The following RASSF2 variants were observed in gnomAD, a reference collection of about 807,000 sequenced individuals.
RASSF2 encodes the protein ras association domain-containing protein 2.
Under a neutral mutation model 46.3 loss-of-function variants are expected in RASSF2, and 34 were observed. The ratio of observed to expected loss-of-function variants is 0.73; its 90% CI spans 0.56 to 0.98. The LOEUF is 0.98. Among genes scored for constraint, RASSF2 ranks in the 50% least tolerant of loss-of-function variants. The pLI is 0.00. For missense variants in RASSF2, 364 were observed against 431.2 expected (o/e 0.84, Z 1.38); for synonymous variants, 158 against 162.5 (o/e 0.97, Z 0.21).
At position 4,781,137 on chromosome 20, in the gene RASSF2, G is replaced by C. The variant is rs1275151216; in HGVS notation, c.*3136C>G. On this transcript the variant is annotated 3_prime_UTR_variant, in exon 12 of 12. Transcript: ENST00000379400. Reference sequence around the variant, plus strand: ...TCTTAAGAGAGCTTCTTGCTCTTCTGTGGCCAATTTCTTCACTCTCCTGAC... The same window carrying C: ...TCTTAAGAGAGCTTCTTGCTCTTCTCTGGCCAATTTCTTCACTCTCCTGAC... 6.6e-6 allele frequency: 1 copy of C among 152,016 alleles called. No individual in the cohort carries two copies. Among genetic ancestry groups the C allele is most frequent in the Non-Finnish European group, 1.5e-5 (1 of 68,026 alleles). 9.4% of individuals were successfully genotyped at this position (152,016 alleles called of 1,614,324 possible).
chr20:4,797,223 A>C (rs752702537), intron 4 of RASSF2, among the ~76,000 whole-genome samples: 1 of 152,164 alleles, frequency 6.6e-6, no homozygotes, highest in Non-Finnish European at 1.5e-5. Flanking sequence ...GTCTAAGTGG[A>C]GTGGTTTGAG....
chr20:4,796,819 C>A (rs1041026316), intron 4 of RASSF2, among the ~76,000 whole-genome samples: 2 of 152,106 alleles, frequency 1.3e-5, no homozygotes, highest in Non-Finnish European at 2.9e-5. Context: ...CTTGCATGGC[C>A]CAGCTGCTGA....
At chr20:4,815,624 C>T (rs1928243038) in intron 2 of RASSF2, among the ~76,000 whole-genome samples, 1 of 152,232 alleles carries the variant, frequency 6.6e-6, no homozygotes, top group Non-Finnish European at 1.5e-5. Context: ...TCCACTTCTA[C>T]CTGGTTTGAA....
rs1160567412 is a variant in RASSF2 at position 4,792,574 on chromosome 20, GCATCCAC to G, written c.334_340del (p.Val112ProfsTer17). ...TGGCATCTGGTCACCCTCCGGCGGGGCATCCACCTCTGAGATCTGAACTTTGGGCACA... is the reference window on the plus strand; with the variant it reads ...TGGCATCTGGTCACCCTCCGGCGGGGCTCTGAGATCTGAACTTTGGGCACA... On this transcript the variant is annotated frameshift_variant, in exon 6 of 12. Transcript: ENST00000379400. LOFTEE classifies it high-confidence loss of function. 7 of 1,613,970 alleles carry G rather than the reference GCATCCAC, an allele frequency of 4.3e-6. No homozygotes were observed. Among genetic ancestry groups the G allele is most frequent in the Admixed American group, 1.7e-5 (1 of 60,006 alleles).
chr20:4,820,970 T>C (rs1928650682), intron 2 of RASSF2, among the ~76,000 whole-genome samples: 1 of 152,170 alleles, frequency 6.6e-6, no homozygotes. Flanking sequence ...TGTGCTTTGA[T>C]GACAGGTCTC....
At chr20:4,797,680 T>C (rs1926463670) in intron 4 of RASSF2, among the ~76,000 whole-genome samples, 1 of 152,150 alleles carries the variant, frequency 6.6e-6, no homozygotes, top group Non-Finnish European at 1.5e-5. Flanking sequence ...GGTTCCCGAA[T>C]TGCCCAACGA....
rs1486818585 is a variant in RASSF2, at chr20:4,784,251, CA to C, written c.*21del. ...GGGCAATGGCGGTTCCTGGGGTGCC[CA>C]GATCCCCTCGTTCTCATGGCTCAGA... On this transcript the variant is annotated 3_prime_UTR_variant, in exon 12 of 12. Transcript: ENST00000379400. 4 of 1,607,682 alleles carry C rather than the reference CA, an allele frequency of 2.5e-6. No individual in the cohort carries two copies. Among genetic ancestry groups the C allele is most frequent in the Non-Finnish European group, 3.4e-6 (4 of 1,174,328 alleles).
chr20:4,798,156 TCTCTCAC>T, intron 3 of RASSF2, 71 bp from the exon 4 acceptor site: 3 of 1,555,608 alleles, frequency 1.9e-6, no homozygotes, highest in Non-Finnish European at 2.6e-6. Context: ...GTTCCCTCTT[TCTCTCAC>T]CTCTCACCTG....
chr20:4,792,551 G>T lies in RASSF2; in HGVS notation c.364C>A (p.Pro122Thr), dbSNP rs1925980664. The T allele has an allele frequency of 6.2e-7, 1 of 1,613,980 alleles. No individual in the cohort carries two copies. The highest frequency in any genetic ancestry group is 8.5e-7 in the Non-Finnish European group (1 of 1,180,012). The change falls in exon 6 of 12, where the codon CCA becomes ACA. Residue 122 changes from proline to threonine, a missense_variant. Pro to Thr is a conservative substitution (Grantham distance 38). Coordinates refer to ENST00000379400, the MANE Select transcript of RASSF2 (RefSeq NM_014737.3). ...VDAPPEGDQM[P>T]SSTDSRGLKP... The stretch of plus-strand genomic sequence containing the variant: ...CACTCACATGTACCTGTGGAGCTTG[G>T]CATCTGGTCACCCTCCGGCGGGGCA...
chr20:4,802,901 T>TAC (rs1370860293), intron 2 of RASSF2, among the ~76,000 whole-genome samples: 121 of 76,280 alleles, frequency 1.6e-3, no homozygotes, highest in South Asian at 3.1e-3. Context: ...TATATACATA[T>TAC]ATATATATAT....
At chr20:4,797,403 G>T (rs1246183265) in intron 4 of RASSF2, among the ~76,000 whole-genome samples, 1 of 152,152 alleles carries the variant, frequency 6.6e-6, no homozygotes, top group Non-Finnish European at 1.5e-5. Context: ...TCAGTCACAG[G>T]CGCTTGAGTA....
Position 4,812,897 on chromosome 20 carries a change from C to T in RASSF2, c.-33+9432G>A, listed in dbSNP as rs1420635965. On this transcript the variant is annotated intron_variant, in intron 2 of 11. Coordinates refer to ENST00000379400, the MANE Select transcript of RASSF2 (RefSeq NM_014737.3). This position sits in a 1 kb window ranked among gnomAD's most constrained non-coding sequence, Gnocchi z 4.0. ...GCGAGTAGCAGGTGCAGGCTGGCTC[C>T]AGCTACCAGCCCACAGCAGGCTGGG... is the stretch of plus-strand genomic sequence containing the variant. 3.9e-5 allele frequency among the ~76,000 whole-genome samples: 6 copies of T among 152,156 alleles called. No homozygotes were observed. The highest frequency in any genetic ancestry group is 8.8e-5 in the Non-Finnish European group (6 of 68,012).
At chr20:4,797,877 G>T in intron 4 of RASSF2, 133 bp downstream of exon 4, 2 of 1,417,350 alleles carry the variant, frequency 1.4e-6, no homozygotes, top group South Asian at 2.9e-5. Flanking sequence ...GAACCCCAAG[G>T]ACTCTCACTA....
intron 2 of RASSF2, among the ~76,000 whole-genome samples, chr20:4,804,303 T>G (rs957871257): frequency 2.7e-5 from 4 of 150,626 alleles, no homozygotes; most frequent in African/African-American, 9.8e-5. Flanking sequence ...GGAGTACACA[T>G]GTAACGCGCA....
At position 4,790,335 on chromosome 20, in the gene RASSF2, G is replaced by T; in HGVS notation, c.537+116C>A. The T allele has an allele frequency of 8.3e-7, 1 of 1,205,524 alleles. No homozygotes were observed. Among genetic ancestry groups the T allele is most frequent in the Non-Finnish European group, 1.1e-6 (1 of 917,542 alleles). 74.7% of individuals were successfully genotyped at this position (1,205,524 alleles called of 1,614,324 possible). A position where few individuals can be genotyped will look rare whatever the true frequency, so the allele number is the denominator to read the frequency against. On this transcript the variant is annotated intron_variant, in intron 7 of 11. Transcript: ENST00000379400. The surrounding 1 kb of genome is among the most constrained non-coding windows in gnomAD (Gnocchi z 4.3). Reference sequence around the variant, plus strand: ...CCACCCACAACCCAAAGACTAAACAGCAGCAAACACTTGGCTTCCCAGGCA... The same window carrying T: ...CCACCCACAACCCAAAGACTAAACATCAGCAAACACTTGGCTTCCCAGGCA...
At chr20:4,798,139 T>A in intron 3 of RASSF2, 54 bp from the exon 4 acceptor site, 1 of 1,604,026 alleles carries the variant, frequency 6.2e-7, no homozygotes, top group Non-Finnish European at 8.5e-7. Flanking sequence ...CCACTTATAA[T>A]GCAGTTGTTC....
At chr20:4,815,672 T>C (rs1161360317) in intron 2 of RASSF2, among the ~76,000 whole-genome samples, 3 of 152,232 alleles carry the variant, frequency 2.0e-5, no homozygotes, top group Non-Finnish European at 4.4e-5. Flanking sequence ...CTCAAAGTCA[T>C]GGCGAATCGT....
At chr20:4,817,271 G>T (rs1050549269) in intron 2 of RASSF2, among the ~76,000 whole-genome samples, 1 of 152,052 alleles carries the variant, frequency 6.6e-6, no homozygotes, top group Non-Finnish European at 1.5e-5. Flanking sequence ...TATAAATAAT[G>T]CTGCGAGGGA....
intron 3 of RASSF2, among the ~76,000 whole-genome samples, chr20:4,800,386 G>A (rs1311467453): frequency 6.6e-6 from 1 of 152,130 alleles, no homozygotes; most frequent in Non-Finnish European, 1.5e-5. Flanking sequence ...TAGACTGGGT[G>A]GCTTCTAAAG....
Sources: gnomAD v4.1 joint callset for allele counts (sites outside exome capture counted in the v4.1 genomes callset) on GRCh38, gnomAD v4.1.1 for gene constraint, Gnocchi (gnomAD v3.1) non-coding constraint, MANE v1.5 for transcripts, NCBI Gene and HGNC (gene_info 2026-07-23, HGNC 2026-07-21) for gene names.